The following KRABD2 variants were observed in gnomAD, a reference collection of about 807,000 sequenced individuals.
The protein encoded by KRABD2 is KRAB domain-containing protein 2.
At chr17:8,370,183 C>T in the KRABD2 span, 1 of 1,612,638 alleles carries the variant, frequency 6.2e-7, no homozygotes, top group South Asian at 1.1e-5. Flanking sequence ...TCTTTAGCTT[C>T]TTTAACTTCC....
At chr17:8,370,023 A>C in the KRABD2 span, 1 of 1,614,164 alleles carries the variant, frequency 6.2e-7, no homozygotes, top group South Asian at 1.1e-5. Context: ...TGTATCATGA[A>C]GAATATCAAA....
the KRABD2 span, chr17:8,369,060 G>C: frequency 8.5e-6 from 13 of 1,521,406 alleles, no homozygotes; most frequent in African/African-American, 1.4e-5. Context: ...TTTTCCTCTG[G>C]GGCCTCTGGC....
chr17:8,376,604 GAA>G, the KRABD2 span: 1 of 986,018 alleles, frequency 1.0e-6, no homozygotes, highest in Non-Finnish European at 1.2e-6. Context: ...GCGCGGTGGA[GAA>G]AAGAGCTGCA....
At chr17:8,360,725 TGGAA>T in the KRABD2 span, among the ~76,000 whole-genome samples, 1 of 151,976 alleles carries the variant, frequency 6.6e-6, no homozygotes, top group Non-Finnish European at 1.5e-5. Flanking sequence ...ACAAAACAAA[TGGAA>T]GGAAGAACTG....
the KRABD2 span, chr17:8,368,595 C>T: frequency 6.6e-6 from 1 of 152,274 alleles, no homozygotes; most frequent in Non-Finnish European, 1.5e-5. Context: ...GCCTCCAGAA[C>T]TGTGAGACTC....
At chr17:8,373,138 C>CGT in the KRABD2 span, among the ~76,000 whole-genome samples, 1 of 104,488 alleles carries the variant, frequency 9.6e-6, no homozygotes, top group South Asian at 4.0e-4. Context: ...TCTCCCTCTC[C>CGT]CTCTCTCCCT....
the KRABD2 span, among the ~76,000 whole-genome samples, chr17:8,363,865 ATTTATT>A: frequency 1.7e-4 from 12 of 69,550 alleles, no homozygotes; most frequent in East Asian, 1.3e-3. Flanking sequence ...ATATATATTT[ATTTATT>A]TATTTATTTA....
chr17:8,376,691 C>A, the KRABD2 span: 641 of 984,042 alleles, frequency 6.5e-4, 2 homozygotes, highest in African/African-American at 0.01. Flanking sequence ...CAGAGGCCCC[C>A]GAGCAGCAAC....
the KRABD2 span, among the ~76,000 whole-genome samples, chr17:8,374,937 C>CAAAAAAAAAAAAAAAAAAAAAAAA: frequency 4.3e-4 from 20 of 46,180 alleles, 2 homozygotes; most frequent in South Asian, 1.2e-3. Flanking sequence ...GACTCTGTCA[C>CAAAAAAAAAAAAAAAAAAAAAAAA]AAAAAAAAAA....
chr17:8,365,003 C>T, the KRABD2 span, among the ~76,000 whole-genome samples: 7 of 151,824 alleles, frequency 4.6e-5, no homozygotes, highest in Admixed American at 6.6e-5. Flanking sequence ...CATTGCACTC[C>T]AGCCTAGGCA....
chr17:8,367,524 G>A, the KRABD2 span, among the ~76,000 whole-genome samples: 1 of 151,020 alleles, frequency 6.6e-6, no homozygotes, highest in South Asian at 2.1e-4. Context: ...TTAGCCAGGT[G>A]TGGCAGTGCA....
the KRABD2 span, chr17:8,371,489 G>A: frequency 6.2e-7 from 1 of 1,611,460 alleles, no homozygotes. Context: ...AGCAGCTTCA[G>A]CAGGACTGGG....
the KRABD2 span, among the ~76,000 whole-genome samples, chr17:8,363,429 G>A: frequency 3.9e-3 from 596 of 152,234 alleles, 3 homozygotes; most frequent in South Asian, 9.3e-3. Context: ...TCAGCTCACT[G>A]CAACCTCCGC....
At chr17:8,359,953 A>G in the KRABD2 span, 11 of 402,978 alleles carry the variant, frequency 2.7e-5, no homozygotes, top group East Asian at 7.9e-4. Context: ...GGAGGAGGAA[A>G]GAGGCAAACA....
the KRABD2 span, among the ~76,000 whole-genome samples, chr17:8,374,386 C>T: frequency 6.6e-6 from 1 of 152,048 alleles, no homozygotes; most frequent in Non-Finnish European, 1.5e-5. Flanking sequence ...GGATTAAGGG[C>T]AGTGCAAGAT....
chr17:8,375,942 C>G, the KRABD2 span: 3 of 1,230,288 alleles, frequency 2.4e-6, no homozygotes, highest in Non-Finnish European at 2.0e-6. Flanking sequence ...GGAATGTCCT[C>G]GCATTGATCC....
At chr17:8,363,175 G>C in the KRABD2 span, among the ~76,000 whole-genome samples, 1 of 152,134 alleles carries the variant, frequency 6.6e-6, no homozygotes, top group African/African-American at 2.4e-5. Flanking sequence ...AATAGAACTA[G>C]TGGAATACAG....
the KRABD2 span, among the ~76,000 whole-genome samples, chr17:8,374,363 C>G: frequency 6.6e-6 from 1 of 152,244 alleles, no homozygotes; most frequent in African/African-American, 2.4e-5. Context: ...GCTGTGTCCA[C>G]TCAGGGTTAA....
the KRABD2 span, among the ~76,000 whole-genome samples, chr17:8,364,724 C>T: frequency 6.6e-6 from 1 of 151,386 alleles, no homozygotes. This position sits in a 1 kb window ranked among gnomAD's most constrained non-coding sequence, Gnocchi z 4.4. Context: ...AAAGTGTTGG[C>T]AATTAATTAA....
Sources: gnomAD v4.1 joint callset for allele counts (sites outside exome capture counted in the v4.1 genomes callset) on GRCh38, gnomAD v4.1.1 for gene constraint, Gnocchi (gnomAD v3.1) non-coding constraint, MANE v1.5 for transcripts, NCBI Gene and HGNC (gene_info 2026-07-23, HGNC 2026-07-21) for gene names.